The following ASCC2 variants were observed in gnomAD, a reference collection of about 807,000 sequenced individuals.
The protein encoded by ASCC2 is ASC-1 complex subunit P100.
ASCC2 carries 42 observed loss-of-function variants against 93.5 expected under a neutral mutation model. The observed-to-expected ratio is 0.45, with a 90% CI of 0.35 to 0.58. The LOEUF is 0.58. ASCC2 is among the 20% of genes least tolerant of loss of function. The pLI, the probability that ASCC2 is intolerant of heterozygous loss-of-function variation, is 0.00. For missense variants in ASCC2, 859 were observed against 977.6 expected (o/e 0.88, Z 1.62); for synonymous variants, 364 against 384.2 (o/e 0.95, Z 0.62).
At position 29,832,329 on chromosome 22, in the gene ASCC2, G is replaced by A. The variant is rs1192523881; in HGVS notation, c.-4C>T. On this transcript the variant is annotated 5_prime_UTR_variant, in exon 2 of 20. Transcript: ENST00000307790. ...GGTCCAGGGGCAGAGCTGGCATTGT[G>A]CTGCGTGACCCTCCTGAAAGGAATA... 2 of 1,612,486 alleles carry A rather than the reference G, an allele frequency of 1.2e-6. No homozygotes were observed. The highest frequency in any genetic ancestry group is 2.2e-5 in the East Asian group (1 of 44,862).
At chr22:29,799,850 C>T (rs1265174091) in intron 15 of ASCC2, among the ~76,000 whole-genome samples, 2 of 152,228 alleles carry the variant, frequency 1.3e-5, no homozygotes, top group Admixed American at 6.5e-5. Context: ...TACAGTGGCA[C>T]GATCACAGCT....
At chr22:29,801,471 A>G (rs972007602) in intron 14 of ASCC2, among the ~76,000 whole-genome samples, 2 of 136,870 alleles carry the variant, frequency 1.5e-5, no homozygotes, top group African/African-American at 6.3e-5. Flanking sequence ...GAACTTGTCC[A>G]AAGGCACAAA....
At chr22:29,837,855 T>C (rs375595074) in intron 1 of ASCC2, among the ~76,000 whole-genome samples, 1 of 152,212 alleles carries the variant, frequency 6.6e-6, no homozygotes, top group African/African-American at 2.4e-5. Flanking sequence ...CCCCAATGTC[T>C]AGATCTGTGT....
chr22:29,812,389 A>G (rs957426991), intron 8 of ASCC2, among the ~76,000 whole-genome samples: 2 of 152,176 alleles, frequency 1.3e-5, no homozygotes, highest in East Asian at 3.8e-4. Flanking sequence ...CTTACTGCAC[A>G]AGCAACAGAT....
chr22:29,803,122 G>A (rs2059286443), intron 13 of ASCC2, among the ~76,000 whole-genome samples: 1 of 151,412 alleles, frequency 6.6e-6, no homozygotes, highest in East Asian at 1.9e-4. Flanking sequence ...GTGGTGGTGG[G>A]TGTCTGCAAT....
intron 7 of ASCC2, 121 bp downstream of exon 7, chr22:29,814,536 G>T: frequency 1.5e-6 from 1 of 688,076 alleles, no homozygotes; most frequent in East Asian, 3.1e-5. Flanking sequence ...GGAGGAAGGG[G>T]CCCTGGGCAG....
At chr22:29,798,625 C>A (rs2058720250) in intron 15 of ASCC2, among the ~76,000 whole-genome samples, 1 of 152,230 alleles carries the variant, frequency 6.6e-6, no homozygotes, top group African/African-American at 2.4e-5. Context: ...TCTGATTCAA[C>A]AACGAACACA....
intron 5 of ASCC2, among the ~76,000 whole-genome samples, chr22:29,817,856 C>T (rs2061046953): frequency 6.6e-6 from 1 of 152,138 alleles, no homozygotes; most frequent in South Asian, 2.1e-4. Context: ...TGTCCCTTCT[C>T]AGATGAAAGC....
intron 4 of ASCC2, among the ~76,000 whole-genome samples, chr22:29,824,372 T>G (rs1421722039): frequency 6.6e-6 from 1 of 152,030 alleles, no homozygotes; most frequent in Non-Finnish European, 1.5e-5. Context: ...TCCAGCACTT[T>G]GGGAGCCTGA....
chr22:29,813,957 A>T (rs1435380743), intron 7 of ASCC2, among the ~76,000 whole-genome samples: 2 of 152,228 alleles, frequency 1.3e-5, no homozygotes, highest in South Asian at 2.1e-4. Flanking sequence ...ACTTTCTTCT[A>T]AGTTTCTTAC....
chr22:29,834,256 A>C (rs1042781538), intron 1 of ASCC2: 46 of 253,896 alleles, frequency 1.8e-4, no homozygotes, highest in African/African-American at 1.0e-3. Flanking sequence ...GACGGGGTGA[A>C]GGGGTGGAGT....
chr22:29,834,367 G>A, intron 1 of ASCC2: 1 of 391,172 alleles, frequency 2.6e-6, no homozygotes, highest in South Asian at 1.9e-5. Context: ...CAGAGCAAAG[G>A]CAAGGAGGTG....
chr22:29,806,089 G>A (rs911350653), intron 12 of ASCC2, 127 bp downstream of exon 12: 19 of 1,019,876 alleles, frequency 1.9e-5, no homozygotes, highest in African/African-American at 4.7e-5. Flanking sequence ...AGGCCACCTC[G>A]GACAGCTGGC....
At chr22:29,817,862 A>G (rs1454391315) in intron 5 of ASCC2, among the ~76,000 whole-genome samples, 4 of 152,178 alleles carry the variant, frequency 2.6e-5, no homozygotes, top group African/African-American at 9.7e-5. Context: ...TTCTCAGATG[A>G]AAGCAGTTCA....
rs543641846 is a variant in ASCC2, at chr22:29,808,873, C to G, written c.834-688G>C. 4.6e-5 allele frequency among the ~76,000 whole-genome samples: 7 copies of G among 151,144 alleles called. No individual in the cohort carries two copies. In the South Asian group the frequency reaches 1.5e-3, roughly 32 times the overall value. ...GTGGCTCACGCCTGTAATCCTAGCA[C>G]TCTGGGAGACCGAGATGGGTGGATT... On this transcript the variant is annotated intron_variant, in intron 8 of 19. Coordinates refer to ENST00000307790, the MANE Select transcript of ASCC2 (RefSeq NM_032204.5).
chr22:29,807,046 C>G, intron 9 of ASCC2, 142 bp from the exon 10 acceptor site: 1 of 619,426 alleles, frequency 1.6e-6, no homozygotes, highest in South Asian at 2.1e-5. Context: ...TTGAGACCAG[C>G]CTGAGCAACT....
At chr22:29,800,530 A>C (rs1428178044) in intron 15 of ASCC2, among the ~76,000 whole-genome samples, 3 of 152,222 alleles carry the variant, frequency 2.0e-5, no homozygotes, top group Non-Finnish European at 4.4e-5. Flanking sequence ...TCAATGCCAA[A>C]AAAGTAGGAA....
chr22:29,803,493 C>T (rs1026063843), intron 13 of ASCC2, among the ~76,000 whole-genome samples: 5 of 152,086 alleles, frequency 3.3e-5, no homozygotes, highest in African/African-American at 1.2e-4. Flanking sequence ...GAGCACAGTA[C>T]TTGGCACAGA....
chr22:29,837,368 G>T (rs1169802926), intron 1 of ASCC2, among the ~76,000 whole-genome samples: 1 of 152,184 alleles, frequency 6.6e-6, no homozygotes, highest in East Asian at 1.9e-4. Flanking sequence ...GGGAGGCGGA[G>T]GTTGCAGTGG....
Sources: allele counts gnomAD v4.1 joint callset (sites outside exome capture counted in the v4.1 genomes callset), GRCh38; gene constraint gnomAD v4.1.1; transcripts MANE v1.5; gene names NCBI Gene and HGNC (gene_info 2026-07-23, HGNC 2026-07-21).